The following OXR1 variants were observed in gnomAD, a reference collection of about 807,000 sequenced individuals.
OXR1 encodes the protein oxidation resistance 1.
A neutral mutation model predicts 104.6 loss-of-function variants in OXR1; 41 were observed. The observed-to-expected ratio is 0.39, with a 90% CI of 0.31 to 0.51. The LOEUF (loss-of-function observed/expected upper bound fraction) is 0.51, where lower values mean the gene tolerates loss of function less well. OXR1 is among the 20% of genes least tolerant of loss of function. The pLI is 0.77. For synonymous variants in OXR1, 348 were observed against 348.4 expected (o/e 1.00, Z 0.01); for missense variants, 955 against 1,031.9 (o/e 0.93, Z 1.02).
At chr8:106,456,173 CAG>C (rs1383335327) in intron 2 of OXR1, among the ~76,000 whole-genome samples, 1 of 152,126 alleles carries the variant, frequency 6.6e-6, no homozygotes, top group Admixed American at 6.5e-5. Flanking sequence ...TGCAAGCACT[CAG>C]AGAGATGTGA....
chr8:106,569,285 A>G (rs530616897), intron 3 of OXR1, among the ~76,000 whole-genome samples: 2 of 152,210 alleles, frequency 1.3e-5, no homozygotes, highest in African/African-American at 2.4e-5. Flanking sequence ...GTTTGGATAA[A>G]TTCTTAAAAG....
At chr8:106,529,372 C>G (rs1425837246) in intron 3 of OXR1, among the ~76,000 whole-genome samples, 1 of 152,092 alleles carries the variant, frequency 6.6e-6, no homozygotes, top group African/African-American at 2.4e-5. Flanking sequence ...AAGGAAATCC[C>G]ACAAGCTGAA....
intron 2 of OXR1, among the ~76,000 whole-genome samples, chr8:106,510,722 C>T (rs1260210613): frequency 2.6e-5 from 4 of 152,100 alleles, no homozygotes; most frequent in Non-Finnish European, 5.9e-5. Flanking sequence ...GAATTTCTAG[C>T]AAACCATTTC....
chr8:106,581,280 T>C, intron 3 of OXR1: 1 of 1,267,284 alleles, frequency 7.9e-7, no homozygotes, highest in South Asian at 1.2e-5. Flanking sequence ...GCCTTTCTAT[T>C]TTTTTTTAAT....
intron 3 of OXR1, among the ~76,000 whole-genome samples, chr8:106,545,718 G>C (rs1212397535): frequency 6.6e-6 from 1 of 152,080 alleles, no homozygotes; most frequent in Non-Finnish European, 1.5e-5. Context: ...AAAGGTAAAG[G>C]AAGGAAAATA....
chr8:106,487,599 A>G (rs1810770726), intron 2 of OXR1, among the ~76,000 whole-genome samples: 1 of 146,638 alleles, frequency 6.8e-6, no homozygotes, highest in South Asian at 2.2e-4. Context: ...CAGTCCCCAG[A>G]GTGTGATATT....
intron 2 of OXR1, among the ~76,000 whole-genome samples, chr8:106,449,299 A>G (rs1457168789): frequency 6.6e-6 from 1 of 152,142 alleles, no homozygotes; most frequent in Non-Finnish European, 1.5e-5. Context: ...AACAAGGAAA[A>G]GCATTCATAG....
At chr8:106,713,218 A>G (rs1472132315) in intron 10 of OXR1, among the ~76,000 whole-genome samples, 1 of 151,978 alleles carries the variant, frequency 6.6e-6, no homozygotes, top group Non-Finnish European at 1.5e-5. Context: ...AATTAAAACC[A>G]ATAAAACGTA....
At chr8:106,530,679 T>C (rs1814028968) in intron 3 of OXR1, among the ~76,000 whole-genome samples, 1 of 152,254 alleles carries the variant, frequency 6.6e-6, no homozygotes, top group Non-Finnish European at 1.5e-5. Flanking sequence ...AGATTATAAA[T>C]GTTACAGTGA....
chr8:106,669,470 G>A (rs1032089823), intron 3 of OXR1, among the ~76,000 whole-genome samples: 1 of 152,058 alleles, frequency 6.6e-6, no homozygotes, highest in East Asian at 1.9e-4. Flanking sequence ...TGGATAAGGA[G>A]TCAATAGTGA....
At chr8:106,441,473 G>A (rs911952593) in intron 2 of OXR1, among the ~76,000 whole-genome samples, 2 of 152,288 alleles carry the variant, frequency 1.3e-5, no homozygotes, top group South Asian at 4.2e-4. Flanking sequence ...GTAGTTTGAT[G>A]GGAATAGTAT....
intron 3 of OXR1, among the ~76,000 whole-genome samples, chr8:106,563,453 A>G (rs528380987): frequency 6.6e-6 from 1 of 152,330 alleles, no homozygotes; most frequent in Admixed American, 6.5e-5. Context: ...TCTTAAATAT[A>G]TATGCACCCA....
At chr8:106,728,394 A>G (rs540148366) in intron 11 of OXR1, among the ~76,000 whole-genome samples, 4 of 152,270 alleles carry the variant, frequency 2.6e-5, no homozygotes, top group East Asian at 1.9e-4. Flanking sequence ...TGAGGTATCT[A>G]TAGATACCTT....
chr8:106,618,024 G>T (rs1821383218), intron 3 of OXR1: 1 of 1,511,782 alleles, frequency 6.6e-7, no homozygotes, highest in Admixed American at 2.0e-5. Flanking sequence ...AGGGGTCAGG[G>T]ACCGGGCGGG....
intron 1 of OXR1, among the ~76,000 whole-genome samples, chr8:106,322,977 T>G (rs1814287254): frequency 6.6e-6 from 1 of 152,164 alleles, no homozygotes; most frequent in South Asian, 2.1e-4. Flanking sequence ...AATTTATAGA[T>G]TCAGTGCTAT....
intron 2 of OXR1, among the ~76,000 whole-genome samples, chr8:106,461,436 T>C (rs1450572035): frequency 1.3e-5 from 2 of 152,008 alleles, no homozygotes; most frequent in Non-Finnish European, 2.9e-5. Flanking sequence ...CCAGGCATGG[T>C]GGCGTGTACC....
chr8:106,561,318 G>A (rs1371431916), intron 3 of OXR1, among the ~76,000 whole-genome samples: 1 of 152,116 alleles, frequency 6.6e-6, no homozygotes, highest in African/African-American at 2.4e-5. Context: ...ACTGAAGCTT[G>A]AGTAGGCTGT....
intron 2 of OXR1, among the ~76,000 whole-genome samples, chr8:106,375,572 T>C (rs542491322): frequency 1.3e-5 from 2 of 152,294 alleles, no homozygotes; most frequent in East Asian, 1.9e-4. Flanking sequence ...AAACCTCAGC[T>C]TCCCAGTTGA....
At chr8:106,402,988 A>T (rs4335110) in intron 2 of OXR1, among the ~76,000 whole-genome samples, 78,093 of 151,772 alleles carry the variant, frequency 0.51, 22,495 homozygotes, top group East Asian at 0.78. Flanking sequence ...GCCTGGCTAA[A>T]TTTTTGTATT....
Sources: gnomAD v4.1 joint callset for allele counts (sites outside exome capture counted in the v4.1 genomes callset) on GRCh38, gnomAD v4.1.1 for gene constraint, MANE v1.5 for transcripts, NCBI Gene and HGNC (gene_info 2026-07-23, HGNC 2026-07-21) for gene names.